The following KYNU variants were observed in gnomAD, a reference collection of about 807,000 sequenced individuals.
KYNU encodes L-kynurenine hydrolase.
A neutral mutation model predicts 59.2 loss-of-function variants in KYNU; 54 were observed. That is an observed-to-expected ratio of 0.91 (90% confidence interval 0.73 to 1.14). KYNU has a LOEUF of 1.14. Ranked by LOEUF, KYNU falls within the 50% of genes most tolerant of loss-of-function variation. The pLI, the probability that KYNU is intolerant of heterozygous loss-of-function variation, is 0.00. For synonymous variants in KYNU, 177 were observed against 192.0 expected (o/e 0.92, Z 0.65); for missense variants, 567 against 554.4 (o/e 1.02, Z -0.23).
chr2:142,926,127 T>TG (rs1683038962), intron 3 of KYNU, among the ~76,000 whole-genome samples: 1 of 151,280 alleles, frequency 6.6e-6, no homozygotes, highest in African/African-American at 2.4e-5. Context: ...CTGGGGCCTG[T>TG]GGGGGGTGAG....
rs1395346709 is a variant in KYNU, at chr2:143,010,055, G to T, written c.903-19572G>T. Among the ~76,000 whole-genome samples, 4 of 142,678 alleles carry T rather than the reference G, an allele frequency of 2.8e-5. 1 individual carries two copies. Among genetic ancestry groups the T allele is most frequent in the African/African-American group, 1.1e-4 (4 of 36,188 alleles). The allele number at this position is 142,678 out of a possible 152,430, so 93.6% of individuals were successfully genotyped here. A position where few individuals can be genotyped will look rare whatever the true frequency, so the allele number is the denominator to read the frequency against. Reference sequence around the variant, plus strand: ...TATTCAACTTAGTGTTGGAAGTTCTGGCCAGGGCAGTTAGGCAAGAGAAGG... The same window carrying T: ...TATTCAACTTAGTGTTGGAAGTTCTTGCCAGGGCAGTTAGGCAAGAGAAGG... On this transcript the variant is annotated intron_variant, in intron 10 of 13. Transcript: ENST00000264170.
intron 2 of KYNU, among the ~76,000 whole-genome samples, chr2:142,915,745 A>C (rs1031223558): frequency 7.2e-5 from 11 of 152,192 alleles, no homozygotes; most frequent in African/African-American, 2.7e-4. Flanking sequence ...GCTTGTTAAA[A>C]GCTGAAAATC....
intron 8 of KYNU, among the ~76,000 whole-genome samples, chr2:142,970,015 C>T (rs542562082): frequency 1.3e-5 from 2 of 152,120 alleles, no homozygotes; most frequent in Admixed American, 1.3e-4. Context: ...TTTATTCTAC[C>T]CTCCATAAAA....
intron 3 of KYNU, among the ~76,000 whole-genome samples, chr2:142,926,857 A>G (rs1475657364): frequency 6.6e-6 from 1 of 152,186 alleles, no homozygotes; most frequent in Non-Finnish European, 1.5e-5. Context: ...TAAATGTTAT[A>G]ATCCCTGGAG....
chr2:142,919,153 C>A (rs184735549), intron 3 of KYNU, among the ~76,000 whole-genome samples: 1 of 152,184 alleles, frequency 6.6e-6, no homozygotes, highest in East Asian at 1.9e-4. Context: ...GAGAGGGAAT[C>A]CATGGATACA....
intron 3 of KYNU, among the ~76,000 whole-genome samples, chr2:142,925,136 T>C (rs1286318734): frequency 6.6e-6 from 1 of 152,218 alleles, no homozygotes; most frequent in African/African-American, 2.4e-5. Flanking sequence ...TGTATTGTGC[T>C]ATCAGCAAAG....
intron 8 of KYNU, among the ~76,000 whole-genome samples, chr2:142,966,365 G>A (rs969849634): frequency 2.0e-5 from 3 of 152,102 alleles, no homozygotes; most frequent in Non-Finnish European, 2.9e-5. Context: ...GCCTCTGTCT[G>A]GATTCAGTCA....
intron 8 of KYNU, among the ~76,000 whole-genome samples, chr2:142,981,479 A>AGG (rs1685050610): frequency 6.6e-6 from 1 of 151,986 alleles, no homozygotes; most frequent in South Asian, 2.1e-4. Context: ...ATGTGTGTGG[A>AGG]GGGGTGTGTG....
intron 13 of KYNU, among the ~76,000 whole-genome samples, chr2:143,041,316 C>A (rs933933090): frequency 1.3e-5 from 2 of 151,970 alleles, no homozygotes; most frequent in Admixed American, 1.3e-4. Context: ...GGAGAGGTTA[C>A]TCCCAGATGC....
intron 10 of KYNU, among the ~76,000 whole-genome samples, chr2:143,023,903 C>A (rs1352197354): frequency 6.6e-6 from 1 of 151,424 alleles, no homozygotes; most frequent in Non-Finnish European, 1.5e-5. Flanking sequence ...TAAGACCAGA[C>A]ATATTTGTCA....
At chr2:142,964,984 T>C (rs975987328) in intron 8 of KYNU, among the ~76,000 whole-genome samples, 2 of 152,190 alleles carry the variant, frequency 1.3e-5, no homozygotes, top group African/African-American at 4.8e-5. Flanking sequence ...TTTCATATTC[T>C]GTTACTTGTT....
chr2:142,895,780 G>A (rs547505500), intron 2 of KYNU, among the ~76,000 whole-genome samples: 1 of 152,040 alleles, frequency 6.6e-6, no homozygotes, highest in Admixed American at 6.6e-5. Context: ...GATCTCCCTG[G>A]CTCAAGCAAT....
rs140728340 is a variant in KYNU, at chr2:142,895,542, G to T, written c.169+10006G>T. Reference sequence around the variant, plus strand: ...CATTTGTCCACTAAAGGCCATTTGAGCTGTGTCCAATTTTGGTGATTATGA... The same window carrying T: ...CATTTGTCCACTAAAGGCCATTTGATCTGTGTCCAATTTTGGTGATTATGA... On this transcript the variant is annotated intron_variant, in intron 2 of 13. Transcript: ENST00000264170. Among the ~76,000 whole-genome samples the T allele has an allele frequency of 1.4e-4, 21 of 152,220 alleles. 1 individual carries two copies. Among genetic ancestry groups the T allele is most frequent in the African/African-American group, 4.8e-4 (20 of 41,532 alleles).
intron 10 of KYNU, among the ~76,000 whole-genome samples, chr2:143,003,897 C>CATGAAT (rs72237965): frequency 0.12 from 18,741 of 151,974 alleles, 1,313 homozygotes; most frequent in East Asian, 0.24. Flanking sequence ...ATATAAAGAA[C>CATGAAT]GCTGTGTTTG....
intron 10 of KYNU, among the ~76,000 whole-genome samples, chr2:143,019,379 G>A (rs1056087919): frequency 1.3e-5 from 2 of 152,032 alleles, no homozygotes; most frequent in African/African-American, 2.4e-5. Context: ...TTTTCAGCAC[G>A]TATTGAAATT....
In KYNU at chr2:142,893,505, T is replaced by C. The variant is rs537515075; in HGVS notation, c.169+7969T>C. ...AAACTATGTACATTTCTAGATGTCA[T>C]TGAAGGAGTAAAGTATCGGAAATGA... On this transcript the variant is annotated intron_variant, in intron 2 of 13. Transcript: ENST00000264170. Among the ~76,000 whole-genome samples the C allele has an allele frequency of 5.9e-5, 9 of 152,322 alleles. No individual in the cohort carries two copies. The South Asian group carries it at 1.2e-3, about 21-fold the overall frequency.
chr2:142,954,905 A>G (rs370151581), intron 5 of KYNU, 34 bp downstream of exon 5: 5 of 1,258,678 alleles, frequency 4.0e-6, no homozygotes, highest in Non-Finnish European at 5.8e-6. Flanking sequence ...TTTAGAACAC[A>G]TTCATTTACA....
chr2:142,902,153 A>T (rs191525465), intron 2 of KYNU, among the ~76,000 whole-genome samples: 330 of 152,292 alleles, frequency 2.2e-3, no homozygotes, highest in African/African-American at 7.7e-3. Flanking sequence ...TAACTGCTTT[A>T]CATACTAAGA....
In KYNU at chr2:142,995,739, T is replaced by C. The variant is rs576747947; in HGVS notation, c.902+9718T>C. 1.3e-3 allele frequency among the ~76,000 whole-genome samples: 205 copies of C among 152,208 alleles called. 2 individuals carry two copies. Among genetic ancestry groups the C allele is most frequent in the African/African-American group, 4.5e-3 (189 of 41,546 alleles). On this transcript the variant is annotated intron_variant, in intron 10 of 13. Coordinates refer to ENST00000264170, the MANE Select transcript of KYNU (RefSeq NM_003937.3). The stretch of plus-strand genomic sequence containing the variant: ...GTTTTCAACACTTTTTCTTTGTCAT[T>C]AGTACCTTTGAATCTGCTTTTGTCA...
Sources: allele counts gnomAD v4.1 joint callset (sites outside exome capture counted in the v4.1 genomes callset), GRCh38; gene constraint gnomAD v4.1.1; transcripts MANE v1.5; gene names NCBI Gene and HGNC (gene_info 2026-07-23, HGNC 2026-07-21).